Variants in RFX7 observed in about 807,000 individuals in gnomAD.
RFX7 encodes DNA-binding protein RFX7.
A neutral mutation model predicts 111.8 loss-of-function variants in RFX7; 26 were observed. The observed-to-expected ratio is 0.23, with a 90% CI of 0.17 to 0.32. The LOEUF (loss-of-function observed/expected upper bound fraction) is 0.32. RFX7 is among the 10% of genes least tolerant of loss of function. RFX7 has a pLI of 1.00. For missense variants in RFX7, 1,573 were observed against 1,772.9 expected, an observed-to-expected ratio of 0.89 and a Z score of 2.02; for synonymous variants, 624 against 624.4, an observed-to-expected ratio of 1.00 and a Z score of 0.01.
intron 3 of RFX7, 32 bp downstream of exon 3, chr15:56,179,238 A>G: frequency 5.3e-6 from 6 of 1,121,964 alleles, no homozygotes; most frequent in South Asian, 1.4e-5. Flanking sequence ...ACCTTATTGC[A>G]AAAGGATTTT....
chr15:56,207,942 A>G (rs2043271871), intron 2 of RFX7, among the ~76,000 whole-genome samples: 1 of 152,210 alleles, frequency 6.6e-6, no homozygotes, highest in Non-Finnish European at 1.5e-5. Context: ...ACAAACCTGC[A>G]TGAGAATCTG....
chr15:56,126,720 A>G (rs1465055986), intron 5 of RFX7, among the ~76,000 whole-genome samples: 3 of 152,218 alleles, frequency 2.0e-5, no homozygotes, highest in Non-Finnish European at 4.4e-5. Context: ...GAAAAGATAA[A>G]GCATGGCTAC....
Position 56,243,506 on chromosome 15 carries a change from G to A in RFX7, c.-64C>T, listed in dbSNP as rs2043743136. On this transcript the variant is annotated 5_prime_UTR_variant, in exon 1 of 10. Transcript: ENST00000559447. ...GGGGAACATCACCGGGGAGACCAGC[G>A]GCTCCTCACGGCCGGGGCGCTTCAC... 4 of 984,744 alleles carry A rather than the reference G, an allele frequency of 4.1e-6. No individual in the cohort carries two copies. Among genetic ancestry groups the A allele is most frequent in the Admixed American group, 1.2e-4 (2 of 16,248 alleles). 61.0% of individuals were successfully genotyped at this position (984,744 alleles called of 1,614,324 possible). A position where few individuals can be genotyped will look rare whatever the true frequency, so the allele number is the denominator to read the frequency against.
At chr15:56,135,365 G>C (rs1173997502) in intron 5 of RFX7, among the ~76,000 whole-genome samples, 1 of 152,320 alleles carries the variant, frequency 6.6e-6, no homozygotes, top group Admixed American at 6.5e-5. Context: ...CTGATGGCCA[G>C]TGATGATGAG....
At chr15:56,097,084 C>A (rs1363990651) in intron 9 of RFX7, among the ~76,000 whole-genome samples, 2 of 152,142 alleles carry the variant, frequency 1.3e-5, no homozygotes. Flanking sequence ...ACTGTCTACT[C>A]CAGTTTGCCC....
chr15:56,172,668 C>G lies in RFX7; in HGVS notation c.195+6602G>C, dbSNP rs916586203. Reference sequence around the variant, plus strand: ...TGGTGGAGTACCACAAGGCAACTTCCTATTTTCTCAGAGAAGTAGAAGGCA... The same window carrying G: ...TGGTGGAGTACCACAAGGCAACTTCGTATTTTCTCAGAGAAGTAGAAGGCA... On this transcript the variant is annotated intron_variant, in intron 3 of 9. Coordinates refer to ENST00000559447, the MANE Select transcript of RFX7 (RefSeq NM_022841.7). Among the ~76,000 whole-genome samples, 6 of 152,228 alleles carry G rather than the reference C, an allele frequency of 3.9e-5. No homozygotes were observed. The South Asian group carries it at 1.0e-3, about 26-fold the overall frequency.
intron 3 of RFX7, among the ~76,000 whole-genome samples, chr15:56,148,650 T>A (rs1487960706): frequency 2.0e-5 from 3 of 152,076 alleles, no homozygotes. Context: ...AGTGTAGAGG[T>A]GAAGAAAACA....
At chr15:56,109,103 C>A (rs1225847273) in intron 5 of RFX7, among the ~76,000 whole-genome samples, 1 of 152,192 alleles carries the variant, frequency 6.6e-6, no homozygotes, top group Non-Finnish European at 1.5e-5. Flanking sequence ...CGAGCCGAAG[C>A]TGGACTGTAC....
At chr15:56,109,835 A>C (rs1318545465) in intron 5 of RFX7, among the ~76,000 whole-genome samples, 1 of 151,030 alleles carries the variant, frequency 6.6e-6, no homozygotes, top group Non-Finnish European at 1.5e-5. Context: ...AGAAGTGAGG[A>C]GCCCCTCCGC....
At chr15:56,149,917 G>T (rs2042543973) in intron 3 of RFX7, among the ~76,000 whole-genome samples, 1 of 152,008 alleles carries the variant, frequency 6.6e-6, no homozygotes, top group Non-Finnish European at 1.5e-5. Flanking sequence ...GTCTGGCTCA[G>T]CGGGTCCCAC....
chr15:56,242,454 A>C (rs2043706793), intron 2 of RFX7, among the ~76,000 whole-genome samples: 1 of 152,258 alleles, frequency 6.6e-6, no homozygotes, highest in East Asian at 1.9e-4. Context: ...TTCTTTTAAA[A>C]AGACATACAA....
At chr15:56,210,732 A>T (rs2899597) in intron 2 of RFX7, among the ~76,000 whole-genome samples, 1 of 152,052 alleles carries the variant, frequency 6.6e-6, no homozygotes, top group African/African-American at 2.4e-5. Context: ...TTTGAGAGAA[A>T]TTGTAAAATA....
At position 56,236,829 on chromosome 15, in the gene RFX7, A is replaced by G. The variant is rs571194361; in HGVS notation, c.161+6296T>C. Among the ~76,000 whole-genome samples the G allele has an allele frequency of 1.3e-3, 200 of 152,362 alleles. 1 individual carries two copies. The highest frequency in any genetic ancestry group is 4.7e-3 in the African/African-American group (197 of 41,590). The stretch of plus-strand genomic sequence containing the variant: ...GCCTCCCTACTACAATCTCTCAACC[A>G]GCAGTTAGTAAACTCCCCAACAACC... On this transcript the variant is annotated intron_variant, in intron 2 of 9. Coordinates refer to ENST00000559447, the MANE Select transcript of RFX7 (RefSeq NM_022841.7).
chr15:56,111,472 C>A (rs1440673506), intron 5 of RFX7, among the ~76,000 whole-genome samples: 1 of 150,624 alleles, frequency 6.6e-6, no homozygotes, highest in Admixed American at 6.6e-5. Context: ...GAGTCATCAC[C>A]ACTCCCTAAT....
chr15:56,154,155 T>C (rs2042617129), intron 3 of RFX7, among the ~76,000 whole-genome samples: 1 of 152,166 alleles, frequency 6.6e-6, no homozygotes, highest in Admixed American at 6.5e-5. Flanking sequence ...AGGAAAAATA[T>C]TCCATGCTCA....
At chr15:56,214,807 T>A (rs2043347516) in intron 2 of RFX7, among the ~76,000 whole-genome samples, 2 of 152,216 alleles carry the variant, frequency 1.3e-5, no homozygotes, top group Non-Finnish European at 2.9e-5. Context: ...AAATGTTTAA[T>A]TACACTATCG....
At chr15:56,146,736 T>TA (rs1199359722) in intron 3 of RFX7, among the ~76,000 whole-genome samples, 1 of 152,166 alleles carries the variant, frequency 6.6e-6, no homozygotes, top group Non-Finnish European at 1.5e-5. Flanking sequence ...TAATTTTTTT[T>TA]AAAACAATGA....
Position 56,094,514 on chromosome 15 carries a change from C to G in RFX7, c.3214G>C (p.Val1072Leu), listed in dbSNP as rs770520496. 1 of 1,613,816 alleles carries G rather than the reference C, an allele frequency of 6.2e-7. No individual in the cohort carries two copies. Among genetic ancestry groups the G allele is most frequent in the Admixed American group, 1.7e-5 (1 of 59,994 alleles). ...LEWMNNGYSGVGNSSVSGHGI... is the reference protein window; with the variant it reads ...LEWMNNGYSGLGNSSVSGHGI... ...TGGCCAGAAACTGATGAATTACCAA[C>G]CCCACTATACCCATTATTCATCCAT... The change falls in exon 10 of 10, where the codon GTT becomes CTT. Residue 1072 changes from valine (V) to leucine (L), a missense_variant. Around this residue, in one of 7 missense-constraint regions of RFX7, gnomAD observed 411 missense variants for 478.1 expected, o/e 0.86. Transcript: ENST00000559447.
intron 2 of RFX7, among the ~76,000 whole-genome samples, chr15:56,230,590 C>A (rs2043542057): frequency 6.6e-6 from 1 of 152,140 alleles, no homozygotes; most frequent in South Asian, 2.1e-4. Context: ...CTAGTACCTA[C>A]CACTAGGTGA....
Sources: allele counts gnomAD v4.1 joint callset (sites outside exome capture counted in the v4.1 genomes callset), GRCh38; gene constraint gnomAD v4.1.1; regional missense constraint gnomAD v4.1.1; transcripts MANE v1.5; gene names NCBI Gene and HGNC (gene_info 2026-07-23, HGNC 2026-07-21).